SRGAP1: variants seen among roughly 807,000 people sequenced by gnomAD.
SRGAP1 encodes SLIT-ROBO Rho GTPase-activating protein 1.
Under a neutral mutation model 121.9 loss-of-function variants are expected in SRGAP1, and 43 were observed. That is an observed-to-expected ratio of 0.35 (90% CI 0.28 to 0.46). SRGAP1 has a LOEUF of 0.46. Ranked by LOEUF, SRGAP1 falls within the 20% of genes least tolerant of loss-of-function variation. SRGAP1 has a pLI of 1.00. For synonymous variants in SRGAP1, 447 were observed against 485.4 expected, an observed-to-expected ratio of 0.92 and a Z score of 1.04; for missense variants, 1,102 against 1,350.9, an observed-to-expected ratio of 0.82 and a Z score of 2.89.
rs2136575836 is a variant in SRGAP1, at chr12:64,087,019, A to G, written c.1429A>G (p.Thr477Ala). ...TGCAGGTCATAGAGCTGAATATATG[A>G]CTACAAGGTAGGAAAATATTTTATC... ...LGEGHRAEYMTTRPPNVPPKP... is the reference protein window; with the variant it reads ...LGEGHRAEYMATRPPNVPPKP... Residue 477 changes from threonine (T) to alanine (A), a missense_variant, in exon 11 of 22, where the codon ACT becomes GCT. Coordinates refer to ENST00000355086, the MANE Select transcript of SRGAP1 (RefSeq NM_020762.4). 6.3e-7 allele frequency: 1 copy of G among 1,591,462 alleles called. No individual in the cohort carries two copies. Among genetic ancestry groups the G allele is most frequent in the East Asian group, 2.3e-5 (1 of 44,412 alleles).
Position 64,042,869 on chromosome 12 carries a change from A to C in SRGAP1, c.569A>C (p.Glu190Ala). ...SKLKEAEKQE[E>A]KQIGRSGDPV... ...CTGAAAGAGGCCGAAAAACAAGAGG[A>C]AAAGCAAATTGGGAGATCTGGTGAT... The change falls in exon 5 of 22, where the codon GAA becomes GCA. Residue 190 changes from glutamate to alanine, a missense_variant. This residue lies in a region of SRGAP1 where 747 missense variants were observed against 929.4 expected (regional missense o/e 0.80). Coordinates refer to ENST00000355086, the MANE Select transcript of SRGAP1 (RefSeq NM_020762.4). The C allele has an allele frequency of 6.2e-7, 1 of 1,613,872 alleles. No individual in the cohort carries two copies. The highest frequency in any genetic ancestry group is 1.1e-5 in the South Asian group (1 of 91,078).
At chr12:64,041,359 TTTTA>T (rs537809038) in intron 4 of SRGAP1, among the ~76,000 whole-genome samples, 1,340 of 85,788 alleles carry the variant, frequency 0.016, 20 homozygotes, top group African/African-American at 0.038. Flanking sequence ...TGGCATTTTA[TTTTA>T]TTTATTTATT....
intron 1 of SRGAP1, among the ~76,000 whole-genome samples, chr12:63,950,649 TCATCCCAGAGCCCGC>T (rs1348842896): frequency 6.6e-6 from 1 of 152,156 alleles, no homozygotes; most frequent in Non-Finnish European, 1.5e-5. Flanking sequence ...TGCCCTCCTT[TCATCCCAGAGCCCGC>T]CATCTTAACC....
Position 63,998,621 on chromosome 12 carries a change from G to A in SRGAP1, c.426+8549G>A, listed in dbSNP as rs77799891. Among the ~76,000 whole-genome samples the A allele has an allele frequency of 2.2e-3, 341 of 152,222 alleles. 2 individuals carry two copies. Among genetic ancestry groups the A allele is most frequent in the African/African-American group, 8.0e-3 (333 of 41,542 alleles). ...CTCTCCCAACTGAAAATTGCTCTCA[G>A]GATTATTTATATTCTTTTTCATCAT... On this transcript the variant is annotated intron_variant, in intron 3 of 21. Transcript: ENST00000355086.
intron 1 of SRGAP1, 118 bp from the exon 2 acceptor site, chr12:63,983,800 ATATATATATATATATATATATATATATAT>A (rs2136408637): frequency 2.4e-3 from 2 of 828 alleles, no homozygotes; most frequent in East Asian, 0.042. Flanking sequence ...CATTTAAAAT[ATATATATATATATATATATATATATATAT>A]ATATATATAT....
chr12:63,899,254 C>T (rs540447022), intron 1 of SRGAP1, among the ~76,000 whole-genome samples: 1 of 152,042 alleles, frequency 6.6e-6, no homozygotes, highest in Non-Finnish European at 1.5e-5. Context: ...TGGTGGCATA[C>T]ACCTGTGGTC....
At chr12:63,926,158 C>G (rs1330949831) in intron 1 of SRGAP1, among the ~76,000 whole-genome samples, 1 of 152,156 alleles carries the variant, frequency 6.6e-6, no homozygotes, top group Non-Finnish European at 1.5e-5. Context: ...CACTCTGATT[C>G]TTTCTTCCTC....
chr12:63,910,408 T>A (rs1194195580), intron 1 of SRGAP1, among the ~76,000 whole-genome samples: 1 of 152,236 alleles, frequency 6.6e-6, no homozygotes. Flanking sequence ...GTCACTGATC[T>A]ATAATCTGCT....
At chr12:64,108,047 TC>T (rs2036373863) in intron 15 of SRGAP1, among the ~76,000 whole-genome samples, 1 of 152,204 alleles carries the variant, frequency 6.6e-6, no homozygotes, top group African/African-American at 2.4e-5. Flanking sequence ...ATTTTCCTAA[TC>T]TGATAAATGG....
intron 1 of SRGAP1, among the ~76,000 whole-genome samples, chr12:63,948,179 T>C (rs1417195397): frequency 6.6e-6 from 1 of 152,190 alleles, no homozygotes; most frequent in Non-Finnish European, 1.5e-5. Flanking sequence ...AAAGCAACAG[T>C]GGAAAAGACC....
intron 1 of SRGAP1, among the ~76,000 whole-genome samples, chr12:63,949,617 C>T (rs955969410): frequency 1.5e-4 from 23 of 151,818 alleles, no homozygotes; most frequent in African/African-American, 5.3e-4. Flanking sequence ...TTGGTAGAGA[C>T]GGTGTTTCAC....
intron 14 of SRGAP1, among the ~76,000 whole-genome samples, chr12:64,096,316 G>T (rs902163214): frequency 6.6e-6 from 1 of 152,006 alleles, no homozygotes; most frequent in Non-Finnish European, 1.5e-5. Flanking sequence ...AGAGAAAAGA[G>T]AACAACAGAT....
At chr12:63,855,768 G>A (rs1011048701) in intron 1 of SRGAP1, among the ~76,000 whole-genome samples, 6 of 151,844 alleles carry the variant, frequency 4.0e-5, no homozygotes, top group African/African-American at 1.2e-4. Flanking sequence ...GATTACAGGC[G>A]TGAGCCACCA....
rs1438164265 is a variant in SRGAP1 at position 64,058,860 on chromosome 12, C to T, written c.802-4057C>T. On this transcript the variant is annotated intron_variant, in intron 6 of 21. Coordinates refer to ENST00000355086, the MANE Select transcript of SRGAP1 (RefSeq NM_020762.4). ...TGACTAGCCTTGCTGTCTCAGGAGA[C>T]CTTGAATAAGAATTTCCTTTTTTCT... Among the ~76,000 whole-genome samples the T allele has an allele frequency of 2.6e-5, 4 of 151,866 alleles. No homozygotes were observed. In the East Asian group the frequency reaches 7.7e-4, roughly 29 times the overall value.
At chr12:63,847,460 G>A (rs932874204) in intron 1 of SRGAP1, among the ~76,000 whole-genome samples, 1 of 152,074 alleles carries the variant, frequency 6.6e-6, no homozygotes, top group African/African-American at 2.4e-5. Flanking sequence ...GACTCATTAA[G>A]ACATAAGTCT....
chr12:64,010,663 G>T (rs945369074), intron 3 of SRGAP1, among the ~76,000 whole-genome samples: 1 of 152,046 alleles, frequency 6.6e-6, no homozygotes, highest in African/African-American at 2.4e-5. Context: ...TGCTCTCAAA[G>T]AAACTGTGTT....
chr12:64,142,704 G>A lies in SRGAP1; in HGVS notation c.*32G>A. On this transcript the variant is annotated 3_prime_UTR_variant, in exon 22 of 22. Transcript: ENST00000355086. The stretch of plus-strand genomic sequence containing the variant: ...GCCAAGCAAGGCCATAAAGGGAGGT[G>A]ACTTAAAAAAGAAAATGGATTAGTG... 6.4e-7 allele frequency: 1 copy of A among 1,567,982 alleles called. No homozygotes were observed. The highest frequency in any genetic ancestry group is 1.9e-5 in the Admixed American group (1 of 52,240).
chr12:63,857,571 ACAGGGTTT>A (rs1049587504), intron 1 of SRGAP1, among the ~76,000 whole-genome samples: 1 of 151,682 alleles, frequency 6.6e-6, no homozygotes, highest in African/African-American at 2.4e-5. Flanking sequence ...TTTAGTAAAG[ACAGGGTTT>A]CACCATGTTG....
At position 63,895,562 on chromosome 12, in the gene SRGAP1, G is replaced by T. The variant is rs138318776; in HGVS notation, c.67+50679G>T. Among the ~76,000 whole-genome samples the T allele has an allele frequency of 1.5e-4, 23 of 152,242 alleles. 1 individual carries two copies. The East Asian group carries it at 4.4e-3, about 29-fold the overall frequency. On this transcript the variant is annotated intron_variant, in intron 1 of 21. Transcript: ENST00000355086. ...TATTTATGCCAAAGTCACTTATAAT[G>T]AGTCTAGATCTAGAAGTGAGATACC... is the stretch of plus-strand genomic sequence containing the variant.
Sources: gnomAD v4.1 joint callset for allele counts (sites outside exome capture counted in the v4.1 genomes callset) on GRCh38, gnomAD v4.1.1 for gene constraint, gnomAD v4.1.1 regional missense constraint, MANE v1.5 for transcripts, NCBI Gene and HGNC (gene_info 2026-07-23, HGNC 2026-07-21) for gene names.